MINDY1: variants seen among roughly 807,000 people sequenced by gnomAD.
The protein encoded by MINDY1 is ubiquitin carboxyl-terminal hydrolase MINDY-1.
Under a neutral mutation model 53.6 loss-of-function variants are expected in MINDY1, and 50 were observed. The ratio of observed to expected loss-of-function variants is 0.93; its 90% CI spans 0.74 to 1.18. The LOEUF (loss-of-function observed/expected upper bound fraction) is 1.18, where lower values mean the gene tolerates loss of function less well. Ranked by LOEUF, MINDY1 falls within the 50% of genes most tolerant of loss-of-function variation. The pLI is 0.00. For missense variants in MINDY1, 484 were observed against 578.6 expected (o/e 0.84, Z 1.68); for synonymous variants, 231 against 234.7 (o/e 0.98, Z 0.14).
intron 5 of MINDY1, 47 bp from the exon 6 acceptor site, chr1:151,000,011 T>C (rs774139715): frequency 1.5e-5 from 22 of 1,475,722 alleles, no homozygotes; most frequent in Non-Finnish European, 1.8e-5. Context: ...TGGGATTTTT[T>C]TTTCTTTTTT....
chr1:151,008,378 C>T, upstream of MINDY1: 2 of 1,237,958 alleles, frequency 1.6e-6, no homozygotes, highest in East Asian at 2.8e-5. Flanking sequence ...GCCGGAAAGA[C>T]GTCCCAGGAG....
At position 150,997,131 on chromosome 1, in the gene MINDY1, A is replaced by T; in HGVS notation, c.*156T>A. On this transcript the variant is annotated 3_prime_UTR_variant, in exon 10 of 10. Transcript: ENST00000683666. ...GGCAGCAGCACGTGAGGTCAAGGAC[A>T]TTACCAAGTCTGACCTTGGCATTTG... 1 of 742,678 alleles carries T rather than the reference A, an allele frequency of 1.3e-6. No individual in the cohort carries two copies. Among genetic ancestry groups the T allele is most frequent in the Non-Finnish European group, 2.3e-6 (1 of 443,928 alleles). The allele number at this position is 742,678 out of a possible 1,614,324, so 46.0% of individuals were successfully genotyped here.
chr1:151,005,705 G>A (rs1282554957), intron 1 of MINDY1, among the ~76,000 whole-genome samples: 5 of 152,136 alleles, frequency 3.3e-5, no homozygotes, highest in African/African-American at 7.2e-5. Context: ...ACTCTACAAC[G>A]TCCAATCCTG....
rs587618220 is a variant in MINDY1, at chr1:150,999,579, C to G, written c.839-68G>C. 6.3e-7 allele frequency: 1 copy of G among 1,588,824 alleles called. No homozygotes were observed. The highest frequency in any genetic ancestry group is 2.2e-5 in the East Asian group (1 of 44,608). ...AAGGTCCACAACAGGAAGGACCATC[C>G]AGAGAGCCCCTGTCAAAAGCCCCGG... On this transcript the variant is annotated intron_variant, in intron 6 of 9. Transcript: ENST00000683666. The surrounding 1 kb of genome is among the most constrained non-coding windows in gnomAD (Gnocchi z 4.4).
chr1:150,999,897 C>T lies in MINDY1; in HGVS notation c.803G>A (p.Cys268Tyr). Residue 268 changes from cysteine (C) to tyrosine (Y), a missense_variant, in exon 6 of 10, where the codon TGC (cysteine) becomes TAC (tyrosine). Cys to Tyr is a radical substitution (Grantham distance 194, BLOSUM62 -2). Transcript: ENST00000683666. The surrounding 1 kb of genome is among the most constrained non-coding windows in gnomAD (Gnocchi z 4.4). The stretch of plus-strand genomic sequence containing the variant: ...GAGGTTGGTGTCACTGGAGTGTTTG[C>T]AGGTGATGATCCTCTCCACCAGCTG... The part of the protein sequence containing the change: ...YNQLVERIIT[C>Y]KHSSDTNLVT... The T allele has an allele frequency of 6.2e-7, 1 of 1,614,016 alleles. No homozygotes were observed. Among genetic ancestry groups the T allele is most frequent in the Non-Finnish European group, 8.5e-7 (1 of 1,180,012 alleles).
intron 1 of MINDY1, among the ~76,000 whole-genome samples, chr1:151,005,255 C>A (rs1213650765): frequency 6.6e-6 from 1 of 151,982 alleles, no homozygotes; most frequent in Non-Finnish European, 1.5e-5. Flanking sequence ...AGCTCAAGAT[C>A]GGCCTGGCTA....
chr1:150,997,273 G>A lies in MINDY1; in HGVS notation c.*14C>T. ...CTGGAAGAAGGGGCAGGCCAGCCTG[G>A]CACTGGGGCAGAGCTACAGCAGAAT... is the stretch of plus-strand genomic sequence containing the variant. On this transcript the variant is annotated 3_prime_UTR_variant, in exon 10 of 10. Coordinates refer to ENST00000683666, the MANE Select transcript of MINDY1 (RefSeq NM_001376665.1). 6.3e-7 allele frequency: 1 copy of A among 1,577,050 alleles called. No homozygotes were observed. The highest frequency in any genetic ancestry group is 8.6e-7 in the Non-Finnish European group (1 of 1,159,336).
At chr1:150,996,551 T>TA (rs1195425440), downstream of MINDY1, 4 of 151,674 alleles carry the variant, frequency 2.6e-5, no homozygotes, top group African/African-American at 9.7e-5. Flanking sequence ...AAAGAAGGTT[T>TA]TTTTTTTTTT....
In MINDY1 at chr1:151,002,905, G is replaced by A. The variant is rs778240080; in HGVS notation, c.-89-199C>T. ...TGTGACCAGATGAGACCAAGAGGTC[G>A]TGGGGCTTCCAGACTTGGGAGGGAA... On this transcript the variant is annotated intron_variant, in intron 1 of 9. Transcript: ENST00000683666. The surrounding 1 kb of genome is among the most constrained non-coding windows in gnomAD (Gnocchi z 4.1). 76 of 1,376,778 alleles carry A rather than the reference G, an allele frequency of 5.5e-5. No individual in the cohort carries two copies. The Admixed American group carries it at 9.6e-4, about 17-fold the overall frequency. The allele number at this position is 1,376,778 out of a possible 1,614,324, so 85.3% of individuals were successfully genotyped here.
Position 150,999,598 on chromosome 1 carries a change from G to A in MINDY1, c.839-87C>T. ...ACCATCCAGAGAGCCCCTGTCAAAAGCCCCGGGGGGTCAGTCCCACCTTCT... is the reference window on the plus strand; with the variant it reads ...ACCATCCAGAGAGCCCCTGTCAAAAACCCCGGGGGGTCAGTCCCACCTTCT... On this transcript the variant is annotated intron_variant, in intron 6 of 9. Coordinates refer to ENST00000683666, the MANE Select transcript of MINDY1 (RefSeq NM_001376665.1). The surrounding 1 kb of genome is among the most constrained non-coding windows in gnomAD (Gnocchi z 4.4). 6.5e-7 allele frequency: 1 copy of A among 1,550,244 alleles called. No homozygotes were observed. The highest frequency in any genetic ancestry group is 8.7e-7 in the Non-Finnish European group (1 of 1,143,620).
chr1:151,008,109 AAAG>A (rs1187569500), upstream of MINDY1: 5 of 483,332 alleles, frequency 1.0e-5, no homozygotes, highest in East Asian at 1.5e-4. Flanking sequence ...GAATTTGTAG[AAAG>A]AAGATGATCT....
At position 151,006,872 on chromosome 1, in the gene MINDY1, T is replaced by C. The variant is rs1181772722; in HGVS notation, c.-650A>G. Reference sequence around the variant, plus strand: ...ACCCTTTCTCTTCCCTCTGCCTGCCTCTAGAAGGGACGGAGCGCTTGTGCC... The same window carrying C: ...ACCCTTTCTCTTCCCTCTGCCTGCCCCTAGAAGGGACGGAGCGCTTGTGCC... On this transcript the variant is annotated 5_prime_UTR_variant, in exon 1 of 10. Coordinates refer to ENST00000683666, the MANE Select transcript of MINDY1 (RefSeq NM_001376665.1). The C allele has an allele frequency of 1.0e-6, 1 of 985,362 alleles. No individual in the cohort carries two copies. The allele number at this position is 985,362 out of a possible 1,614,324, so 61.0% of individuals were successfully genotyped here.
At chr1:151,006,169 C>G in intron 1 of MINDY1, 143 bp downstream of exon 1, 2 of 1,551,516 alleles carry the variant, frequency 1.3e-6, no homozygotes, top group Non-Finnish European at 1.7e-6. Flanking sequence ...CTTTACATGT[C>G]TCTCCTGACT....
chr1:151,001,886 GA>G, intron 2 of MINDY1, 104 bp from the exon 3 acceptor site: 7 of 1,280,012 alleles, frequency 5.5e-6, no homozygotes, highest in Admixed American at 5.9e-5. Flanking sequence ...GGTGGGGTAG[GA>G]AAAAAGGCTT....
intron 1 of MINDY1, among the ~76,000 whole-genome samples, chr1:151,004,264 C>G (rs1298428254): frequency 6.6e-6 from 1 of 151,972 alleles, no homozygotes; most frequent in Non-Finnish European, 1.5e-5. Context: ...ACCTGTTTAA[C>G]CTGTTCTCTA....
upstream of MINDY1, among the ~76,000 whole-genome samples, chr1:151,007,233 C>T (rs909099714): frequency 1.3e-5 from 2 of 152,126 alleles, no homozygotes; most frequent in Non-Finnish European, 2.9e-5. Context: ...GCTCTGGGCG[C>T]GATGGCTGAC....
intron 8 of MINDY1, 88 bp from the exon 9 acceptor site, chr1:150,997,867 T>G (rs1019220606): frequency 7.2e-7 from 1 of 1,392,292 alleles, no homozygotes; most frequent in Non-Finnish European, 9.7e-7. Flanking sequence ...CCCACATCCC[T>G]CAAATTCTCT....
Position 150,997,645 on chromosome 1 carries a change from C to CCGCAT in MINDY1, c.1303_1307dup (p.Thr437CysfsTer53). On this transcript the variant is annotated frameshift_variant, in exon 9 of 10. Transcript: ENST00000683666. LOFTEE classifies it high-confidence loss of function. ...CCACCTGCAGTGACAGGACCCGCGT[C>CCGCAT]CGCATCCGCACTGGCTGCGCTGCCT... The CCGCAT allele has an allele frequency of 1.2e-6, 2 of 1,610,564 alleles. No homozygotes were observed. The highest frequency in any genetic ancestry group is 1.7e-6 in the Non-Finnish European group (2 of 1,180,034).
chr1:150,997,890 C>A, intron 8 of MINDY1, 111 bp from the exon 9 acceptor site: 1 of 1,278,368 alleles, frequency 7.8e-7, no homozygotes, highest in East Asian at 2.5e-5. Flanking sequence ...CTCTTTCTCC[C>A]CACAGAGCAG....
Sources: allele counts gnomAD v4.1 joint callset (sites outside exome capture counted in the v4.1 genomes callset), GRCh38; gene constraint gnomAD v4.1.1; non-coding constraint Gnocchi (gnomAD v3.1); transcripts MANE v1.5; gene names NCBI Gene and HGNC (gene_info 2026-07-23, HGNC 2026-07-21).